The following CYB561A3 variants were observed in gnomAD, a reference collection of about 807,000 sequenced individuals.
CYB561A3 encodes cytochrome b561 family member A3, also known as lysosomal membrane ascorbate-dependent ferrireductase CYB561A3.
In CYB561A3, 16 loss-of-function variants were observed where a neutral mutation model predicts 25.3. That is an observed-to-expected ratio of 0.63 (90% CI 0.43 to 0.96). The LOEUF (loss-of-function observed/expected upper bound fraction) is 0.96, where lower values mean the gene tolerates loss of function less well. CYB561A3 is among the 40% of genes least tolerant of loss of function. CYB561A3 has a pLI of 0.00. For missense variants in CYB561A3, 219 were observed against 307.5 expected, an observed-to-expected ratio of 0.71 and a Z score of 2.15; for synonymous variants, 131 against 129.9, an observed-to-expected ratio of 1.01 and a Z score of -0.06.
rs1021321474 is a variant in CYB561A3 at position 61,357,084 on chromosome 11, C to A, written c.-15-356G>T. The A allele has an allele frequency of 5.6e-6, 8 of 1,440,128 alleles. No individual in the cohort carries two copies. The South Asian group carries it at 8.6e-5, about 16-fold the overall frequency. The allele number at this position is 1,440,128 out of a possible 1,614,324, so 89.2% of individuals were successfully genotyped here. ...GTAAAGAATTACCACCCCATACCCC[C>A]CAGGAAAAAAGGGACAGGAATCAAA... On this transcript the variant is annotated intron_variant, in intron 2 of 6. Transcript: ENST00000294072.
At position 61,353,023 on chromosome 11, in the gene CYB561A3, G is replaced by A. The variant is rs200527395; in HGVS notation, c.510C>T (p.Ser170=). The change falls in exon 5 of 7, where the codon TCC becomes TCT. Residue 170 remains serine, a synonymous_variant. Coordinates refer to ENST00000294072, the MANE Select transcript of CYB561A3 (RefSeq NM_153611.6). ...GCTTCTCATTAATGCCCGAAATGAC[G>A]GATGCGATGGACAGAGAGAGGATGG... ...GAAILSLSIA[S]VISGINEKLF... 67 of 1,614,142 alleles carry A rather than the reference G, an allele frequency of 4.2e-5. No individual in the cohort carries two copies. The African/African-American group carries it at 4.9e-4, about 12-fold the overall frequency.
rs768203470 is a variant in CYB561A3, at chr11:61,351,087, G to A, written c.609C>T (p.Thr203=). The change falls in exon 6 of 7, where the codon ACC becomes ACT. Residue 203 remains threonine, a synonymous_variant. Coordinates refer to ENST00000294072, the MANE Select transcript of CYB561A3 (RefSeq NM_153611.6). ...LPSEAVFANS[T]GMLVVAFGLL... Reference sequence around the variant, plus strand: ...GCCCAAAGGCCACCACCAGCATCCCGGTGCTGTTGGCAAAGACCGCCTCAC... The same window carrying A: ...GCCCAAAGGCCACCACCAGCATCCCAGTGCTGTTGGCAAAGACCGCCTCAC... The A allele has an allele frequency of 7.4e-6, 12 of 1,613,714 alleles. No homozygotes were observed. The highest frequency in any genetic ancestry group is 5.3e-5 in the African/African-American group (4 of 74,852).
Position 61,349,733 on chromosome 11 carries a change from C to A in CYB561A3, c.*666G>T. ...CAGCTCAGAGCGGTCAGCTCCTCAG[C>A]AGAAGCTGCGTGGGCCGCCACTCCC... On this transcript the variant is annotated 3_prime_UTR_variant, in exon 7 of 7. Transcript: ENST00000294072. 1 of 680,334 alleles carries A rather than the reference C, an allele frequency of 1.5e-6. No homozygotes were observed. The allele number at this position is 680,334 out of a possible 1,614,324, so 42.1% of individuals were successfully genotyped here.
At chr11:61,355,507 C>G (rs1857615811) in intron 3 of CYB561A3, among the ~76,000 whole-genome samples, 1 of 151,514 alleles carries the variant, frequency 6.6e-6, no homozygotes, top group Non-Finnish European at 1.5e-5. Context: ...TGGTGAAACC[C>G]CATCTCTACT....
In CYB561A3 at chr11:61,353,180, T is replaced by A. The variant is rs766637376; in HGVS notation, c.394-41A>T. On this transcript the variant is annotated intron_variant, in intron 4 of 6. Coordinates refer to ENST00000294072, the MANE Select transcript of CYB561A3 (RefSeq NM_153611.6). ...AGGACACACCCGACTGTGCTATGTGTGACCAAAGCACATCCCACCCCATCA... is the reference window on the plus strand; with the variant it reads ...AGGACACACCCGACTGTGCTATGTGAGACCAAAGCACATCCCACCCCATCA... 3 of 1,548,862 alleles carry A rather than the reference T, an allele frequency of 1.9e-6. No individual in the cohort carries two copies. In the South Asian group the frequency reaches 3.8e-5, roughly 20 times the overall value.
At chr11:61,354,118 A>G in intron 3 of CYB561A3, 126 bp from the exon 4 acceptor site, 1 of 957,268 alleles carries the variant, frequency 1.0e-6, no homozygotes, top group Non-Finnish European at 1.6e-6. Context: ...GGGCACTGGT[A>G]TCAACTCCTC....
chr11:61,353,221 C>G, intron 4 of CYB561A3, 82 bp from the exon 5 acceptor site: 1 of 1,475,688 alleles, frequency 6.8e-7, no homozygotes, highest in Non-Finnish European at 9.0e-7. Context: ...TCCTCCCCAT[C>G]TCTGCTCCCT....
Position 61,350,035 on chromosome 11 carries a change from T to G in CYB561A3, c.*364A>C. On this transcript the variant is annotated 3_prime_UTR_variant, in exon 7 of 7. Transcript: ENST00000294072. Reference sequence around the variant, plus strand: ...AGCGGCCAGAGCGAGGAGGACCTCGTGTGAATGGAGGACCTGAGAGGCTGA... The same window carrying G: ...AGCGGCCAGAGCGAGGAGGACCTCGGGTGAATGGAGGACCTGAGAGGCTGA... The G allele has an allele frequency of 2.0e-6, 1 of 489,772 alleles. No individual in the cohort carries two copies. Among genetic ancestry groups the G allele is most frequent in the Non-Finnish European group, 3.7e-6 (1 of 268,698 alleles). 30.3% of individuals were successfully genotyped at this position (489,772 alleles called of 1,614,324 possible).
chr11:61,349,170 C>G lies in CYB561A3; in HGVS notation c.*1229G>C, dbSNP rs955472814. The G allele has an allele frequency of 8.8e-6, 2 of 226,838 alleles. No individual in the cohort carries two copies. Among genetic ancestry groups the G allele is most frequent in the Non-Finnish European group, 1.8e-5 (2 of 108,840 alleles). 14.1% of individuals were successfully genotyped at this position (226,838 alleles called of 1,614,324 possible). A position where few individuals can be genotyped will look rare whatever the true frequency, so the allele number is the denominator to read the frequency against. On this transcript the variant is annotated 3_prime_UTR_variant, in exon 7 of 7. Transcript: ENST00000294072. Reference sequence around the variant, plus strand: ...AGCAGCAACACTTAGGAGCAAGACCCTTCCCGCTCTCCACCCTATTTCCTC... The same window carrying G: ...AGCAGCAACACTTAGGAGCAAGACCGTTCCCGCTCTCCACCCTATTTCCTC...
At position 61,353,953 on chromosome 11, in the gene CYB561A3, G is replaced by A; in HGVS notation, c.224C>T (p.Pro75Leu). ...VYRLPQSWVG[P>L]KLPWKLLHAA... ...ATGGAGGAGTTTCCAGGGCAGTTTG[G>A]GCCCCACCCACGACTGGGGCAGGCG... Residue 75 changes from proline (P) to leucine (L), a missense_variant, in exon 4 of 7, where the codon CCC becomes CTC. Pro to Leu is a moderately conservative substitution (Grantham distance 98). Coordinates refer to ENST00000294072, the MANE Select transcript of CYB561A3 (RefSeq NM_153611.6). 1 of 1,614,122 alleles carries A rather than the reference G, an allele frequency of 6.2e-7. No individual in the cohort carries two copies. The highest frequency in any genetic ancestry group is 8.5e-7 in the Non-Finnish European group (1 of 1,180,022).
rs1418348606 is a variant in CYB561A3, at chr11:61,353,999, G to A, written c.185-7C>T. On this transcript the variant is annotated splice_region_variant and splice_polypyrimidine_tract_variant and intron_variant, in intron 3 of 6. Coordinates refer to ENST00000294072, the MANE Select transcript of CYB561A3 (RefSeq NM_153611.6). The stretch of plus-strand genomic sequence containing the variant: ...AGGCGGTACACCAGTGACGCTGCAG[G>A]AGAGAGTAGTGCCAGGGCTCAGCCT... 3.1e-6 allele frequency: 5 copies of A among 1,613,794 alleles called. No homozygotes were observed. The highest frequency in any genetic ancestry group is 2.2e-5 in the East Asian group (1 of 44,874).
intron 4 of CYB561A3, 72 bp from the exon 5 acceptor site, chr11:61,353,211 T>G: frequency 2.0e-6 from 3 of 1,500,014 alleles, no homozygotes; most frequent in Non-Finnish European, 2.7e-6. Flanking sequence ...CATCAGTGCC[T>G]CCTCCCCATC....
chr11:61,358,476 C>T (rs1046678765), intron 1 of CYB561A3: 2 of 150,698 alleles, frequency 1.3e-5, no homozygotes, highest in Admixed American at 6.6e-5. Context: ...AATCCTAGCA[C>T]TTTGGGAGGC....
chr11:61,356,420 A>ACC, intron 3 of CYB561A3, 110 bp downstream of exon 3: 4 of 529,326 alleles, frequency 7.6e-6, no homozygotes, highest in South Asian at 2.4e-5. Flanking sequence ...AACCCACCCT[A>ACC]CCCCCATAGC....
At chr11:61,351,284 C>CTTTTTTT (rs909648792) in intron 5 of CYB561A3, 137 bp from the exon 6 acceptor site, 10 of 293,464 alleles carry the variant, frequency 3.4e-5, no homozygotes, top group Admixed American at 7.1e-5. Flanking sequence ...AACACCCTTT[C>CTTTTTTT]TTTTTTTTTT....
At chr11:61,359,359 C>T (rs1314925186) in intron 1 of CYB561A3, 2 of 152,138 alleles carry the variant, frequency 1.3e-5, no homozygotes, top group Non-Finnish European at 2.9e-5. Flanking sequence ...GATTTGCTAC[C>T]CAGCCTCAGA....
intron 1 of CYB561A3, chr11:61,358,734 T>A (rs1006426389): frequency 6.6e-6 from 1 of 151,416 alleles, no homozygotes; most frequent in African/African-American, 2.4e-5. Flanking sequence ...TCTAAAAATA[T>A]ATATATATAC....
chr11:61,356,894 G>A, intron 2 of CYB561A3, 166 bp from the exon 3 acceptor site: 1 of 1,445,346 alleles, frequency 6.9e-7, no homozygotes. Context: ...CTCAATGCCT[G>A]GGTGGGCCTG....
chr11:61,357,624 C>T (rs149027993), intron 2 of CYB561A3, 109 bp downstream of exon 2: 7 of 185,690 alleles, frequency 3.8e-5, no homozygotes, highest in African/African-American at 9.5e-5. Flanking sequence ...CCCTGTCCCA[C>T]GGACTCACAC....
Sources: allele counts gnomAD v4.1 joint callset (sites outside exome capture counted in the v4.1 genomes callset), GRCh38; gene constraint gnomAD v4.1.1; transcripts MANE v1.5; gene names NCBI Gene and HGNC (gene_info 2026-07-23, HGNC 2026-07-21).